CPA6: variants seen among roughly 807,000 people sequenced by gnomAD.
The protein encoded by CPA6 is carboxypeptidase B.
In CPA6, 58 loss-of-function variants were observed where a neutral mutation model predicts 63.3. The observed-to-expected ratio is 0.92, with a 90% CI of 0.74 to 1.14. The LOEUF is 1.14. Ranked by LOEUF, CPA6 falls within the 50% of genes most tolerant of loss-of-function variation. The pLI is 0.00. For missense variants in CPA6, 565 were observed against 526.6 expected, an observed-to-expected ratio of 1.07 and a Z score of -0.71; for synonymous variants, 185 against 179.0, an observed-to-expected ratio of 1.03 and a Z score of -0.27.
intron 1 of CPA6, among the ~76,000 whole-genome samples, chr8:67,691,631 T>C (rs527816548): frequency 4.6e-5 from 7 of 152,310 alleles, no homozygotes; most frequent in African/African-American, 1.7e-4. Context: ...CCTCATATAT[T>C]TCTGTGACTA....
At chr8:67,629,029 C>T (rs7840627) in intron 1 of CPA6, among the ~76,000 whole-genome samples, 2 of 152,062 alleles carry the variant, frequency 1.3e-5, no homozygotes, top group Non-Finnish European at 2.9e-5. Context: ...GCAGGAGAAT[C>T]GCTTGAACCT....
chr8:67,719,540 C>A (rs529451861), intron 1 of CPA6, among the ~76,000 whole-genome samples: 2 of 152,186 alleles, frequency 1.3e-5, no homozygotes, highest in East Asian at 3.9e-4. Flanking sequence ...TTGCCCTGGT[C>A]CACTGAAGTG....
At chr8:67,466,364 A>T (rs1375062144) in intron 8 of CPA6, among the ~76,000 whole-genome samples, 1 of 151,860 alleles carries the variant, frequency 6.6e-6, no homozygotes, top group East Asian at 1.9e-4. Context: ...TTGTTTGTTA[A>T]TCTAGCTAGC....
rs557163965 is a variant in CPA6, at chr8:67,442,338, GTAATA to G, written c.839-8103_839-8099del. Among the ~76,000 whole-genome samples the G allele has an allele frequency of 9.1e-4, 138 of 151,694 alleles. 3 individuals carry two copies. In the South Asian group the frequency reaches 0.011, roughly 12 times the overall value. On this transcript the variant is annotated intron_variant, in intron 8 of 10. Coordinates refer to ENST00000297770, the MANE Select transcript of CPA6 (RefSeq NM_020361.5). ...ATATAATGTGATATTGTAATATGAT[GTAATA>G]TAATATAATATAATGTAATATGTAA...
rs35803454 is a variant in CPA6 at position 67,449,810 on chromosome 8, C to CTT, written c.839-15572_839-15571dup. Among the ~76,000 whole-genome samples, 309 of 124,248 alleles carry CTT rather than the reference C, an allele frequency of 2.5e-3. 5 individuals carry two copies. The highest frequency in any genetic ancestry group is 0.014 in the East Asian group (59 of 4,306). The allele number at this position is 124,248 out of a possible 152,430, so 81.5% of individuals were successfully genotyped here. A position where few individuals can be genotyped will look rare whatever the true frequency, so the allele number is the denominator to read the frequency against. ...GGGGAATCAGTCACCCAAGCCATCT[C>CTT]TTTTTTTTTTTTTTTTTTGGAGACA... On this transcript the variant is annotated intron_variant, in intron 8 of 10. Coordinates refer to ENST00000297770, the MANE Select transcript of CPA6 (RefSeq NM_020361.5).
chr8:67,722,836 G>T (rs1657708237), intron 1 of CPA6, among the ~76,000 whole-genome samples: 1 of 151,878 alleles, frequency 6.6e-6, no homozygotes, highest in African/African-American at 2.4e-5. Flanking sequence ...CAGTTCTTAT[G>T]AAATACATCA....
intron 8 of CPA6, among the ~76,000 whole-genome samples, chr8:67,439,136 A>T (rs1275130351): frequency 1.3e-5 from 2 of 152,070 alleles, no homozygotes; most frequent in Non-Finnish European, 2.9e-5. Context: ...CTCTACAAAA[A>T]TTTAAAAAAA....
At chr8:67,721,328 C>CTT (rs1817494541) in intron 1 of CPA6, among the ~76,000 whole-genome samples, 1 of 152,186 alleles carries the variant, frequency 6.6e-6, no homozygotes, top group Non-Finnish European at 1.5e-5. Flanking sequence ...TCAACTTGGT[C>CTT]TTTCTCTGTT....
chr8:67,713,241 T>C (rs1245950372), intron 1 of CPA6, among the ~76,000 whole-genome samples: 9 of 150,814 alleles, frequency 6.0e-5, no homozygotes, highest in East Asian at 3.9e-4. Flanking sequence ...TTGTCTATTA[T>C]AATGATCAGG....
intron 2 of CPA6, among the ~76,000 whole-genome samples, chr8:67,574,049 G>T (rs1813559237): frequency 6.6e-6 from 1 of 151,950 alleles, no homozygotes; most frequent in Non-Finnish European, 1.5e-5. Flanking sequence ...TGCAATTCAT[G>T]TGAAAATCTC....
intron 1 of CPA6, among the ~76,000 whole-genome samples, chr8:67,745,216 A>T (rs959549666): frequency 6.6e-6 from 1 of 152,222 alleles, no homozygotes. Context: ...TAGAGGAAGT[A>T]TTTAAGGTTT....
intron 1 of CPA6, among the ~76,000 whole-genome samples, chr8:67,643,230 A>G (rs55902162): frequency 0.066 from 10,060 of 152,246 alleles, 372 homozygotes; most frequent in South Asian, 0.11. Context: ...CAGTTTCTCA[A>G]TGGAATTTCC....
chr8:67,456,676 G>GC (rs1810683672), intron 8 of CPA6, among the ~76,000 whole-genome samples: 1 of 152,086 alleles, frequency 6.6e-6, no homozygotes, highest in Admixed American at 6.6e-5. Flanking sequence ...TGAAATAATG[G>GC]CCCCCCAAAA....
At chr8:67,423,884 C>T (rs893910500) in intron 10 of CPA6, among the ~76,000 whole-genome samples, 2 of 152,196 alleles carry the variant, frequency 1.3e-5, no homozygotes, top group South Asian at 4.1e-4. Context: ...TGGTACTGGT[C>T]CGAGGCCTGT....
At chr8:67,671,100 G>C (rs954618895) in intron 1 of CPA6, among the ~76,000 whole-genome samples, 6 of 152,150 alleles carry the variant, frequency 3.9e-5, no homozygotes, top group African/African-American at 1.4e-4. Flanking sequence ...TTCTTATTCT[G>C]GCTGGTTGAC....
intron 2 of CPA6, among the ~76,000 whole-genome samples, chr8:67,607,106 TTC>T (rs1814659593): frequency 5.1e-5 from 4 of 77,782 alleles, no homozygotes; most frequent in Admixed American, 1.4e-4. Flanking sequence ...TTCTTCTTCT[TTC>T]CTCCTCCTCC....
At chr8:67,462,772 ATAGG>A (rs1171650370) in intron 8 of CPA6, among the ~76,000 whole-genome samples, 1 of 152,152 alleles carries the variant, frequency 6.6e-6, no homozygotes, top group Non-Finnish European at 1.5e-5. Flanking sequence ...TTGCATATAG[ATAGG>A]TAGAGAAAAA....
intron 6 of CPA6, among the ~76,000 whole-genome samples, chr8:67,501,436 C>T (rs927472858): frequency 1.3e-5 from 2 of 152,016 alleles, no homozygotes; most frequent in Admixed American, 1.3e-4. Flanking sequence ...AAAATTTCCC[C>T]TCTCTTTCTT....
chr8:67,517,046 C>T (rs916407292), intron 3 of CPA6, among the ~76,000 whole-genome samples: 25 of 152,136 alleles, frequency 1.6e-4, no homozygotes, highest in African/African-American at 6.0e-4. Flanking sequence ...ATCTGACCAC[C>T]TCAGCCTCCC....
Sources: allele counts gnomAD v4.1 joint callset (sites outside exome capture counted in the v4.1 genomes callset), GRCh38; gene constraint gnomAD v4.1.1; transcripts MANE v1.5; gene names NCBI Gene and HGNC (gene_info 2026-07-23, HGNC 2026-07-21).